Variants in SLC35F4 observed in about 807,000 individuals in gnomAD.
SLC35F4 encodes solute carrier family 35 member F4, also known as chromosome 14 open reading frame 36.
A neutral mutation model predicts 44.2 loss-of-function variants in SLC35F4; 24 were observed. That is an observed-to-expected ratio of 0.54 (90% CI 0.39 to 0.76). The LOEUF is 0.76. Ranked by LOEUF, SLC35F4 falls within the 30% of genes least tolerant of loss-of-function variation. The probability of loss-of-function intolerance (pLI) is 0.00; values close to 1 mark genes in which losing one functional copy is unlikely to be tolerated. For synonymous variants in SLC35F4, 238 were observed against 223.6 expected, an observed-to-expected ratio of 1.06 and a Z score of -0.57; for missense variants, 562 against 586.1, an observed-to-expected ratio of 0.96 and a Z score of 0.42.
At chr14:57,684,022 G>A (rs1355604062) in intron 1 of SLC35F4, among the ~76,000 whole-genome samples, 2 of 152,214 alleles carry the variant, frequency 1.3e-5, no homozygotes, top group East Asian at 3.9e-4. Context: ...GGGTTCATTT[G>A]CCTTCTAGGT....
intron 1 of SLC35F4, among the ~76,000 whole-genome samples, chr14:57,918,657 G>A (rs141078719): frequency 2.6e-5 from 4 of 152,178 alleles, no homozygotes; most frequent in Non-Finnish European, 2.9e-5. Flanking sequence ...TTTGCAGAAC[G>A]AGGAAGGGAT....
rs186693420 is a variant in SLC35F4 at position 57,670,969 on chromosome 14, G to C, written c.104-76845C>G. Among the ~76,000 whole-genome samples the C allele has an allele frequency of 1.8e-3, 253 of 141,968 alleles. 2 individuals carry two copies. The highest frequency in any genetic ancestry group is 6.5e-3 in the African/African-American group (241 of 36,922). 93.1% of individuals were successfully genotyped at this position (141,968 alleles called of 152,430 possible). A position where few individuals can be genotyped will look rare whatever the true frequency, so the allele number is the denominator to read the frequency against. ...ACCCAGGCTGGAGTGCAGTGGCATGGTCTCAGCTCACTGCAACCTCCGCCT... is the reference window on the plus strand; with the variant it reads ...ACCCAGGCTGGAGTGCAGTGGCATGCTCTCAGCTCACTGCAACCTCCGCCT... On this transcript the variant is annotated intron_variant, in intron 1 of 7. Coordinates refer to ENST00000556826, the MANE Select transcript of SLC35F4 (RefSeq NM_001306087.2).
At chr14:57,832,144 G>A (rs961175167) in intron 1 of SLC35F4, among the ~76,000 whole-genome samples, 1 of 152,154 alleles carries the variant, frequency 6.6e-6, no homozygotes, top group Non-Finnish European at 1.5e-5. Context: ...GTTGAAGGAC[G>A]CTAGGAGGCA....
chr14:57,624,739 C>G (rs1379928311), intron 1 of SLC35F4, among the ~76,000 whole-genome samples: 1 of 152,140 alleles, frequency 6.6e-6, no homozygotes, highest in East Asian at 1.9e-4. Context: ...AAAAGGCCTT[C>G]AACAAAATTC....
At chr14:57,969,157 T>C (rs886353760) in intron 1 of SLC35F4, among the ~76,000 whole-genome samples, 4 of 152,212 alleles carry the variant, frequency 2.6e-5, no homozygotes, top group African/African-American at 7.2e-5. Context: ...GATGGGAAAT[T>C]TGGACCCTGG....
intron 1 of SLC35F4, among the ~76,000 whole-genome samples, chr14:57,741,189 G>C (rs1018603207): frequency 6.6e-6 from 1 of 152,224 alleles, no homozygotes; most frequent in African/African-American, 2.4e-5. Flanking sequence ...TCCTCCAAAG[G>C]AATGCAGCTC....
chr14:57,594,207 G>A (rs2070361193), intron 1 of SLC35F4, 83 bp from the exon 2 acceptor site: 3 of 1,318,860 alleles, frequency 2.3e-6, no homozygotes, highest in African/African-American at 3.0e-5. Context: ...ATTATTGTTT[G>A]GAAACAGGGT....
At chr14:57,884,443 A>T (rs1888604646) in intron 1 of SLC35F4, among the ~76,000 whole-genome samples, 1 of 152,220 alleles carries the variant, frequency 6.6e-6, no homozygotes, top group African/African-American at 2.4e-5. Flanking sequence ...TTCAAAATGG[A>T]TTAGAGGACT....
chr14:57,588,222 C>T (rs932392397), intron 3 of SLC35F4, among the ~76,000 whole-genome samples: 2 of 152,184 alleles, frequency 1.3e-5, no homozygotes, highest in African/African-American at 4.8e-5. Context: ...TAAGAAGAGT[C>T]GTATAATGTA....
At chr14:57,746,411 G>T (rs73289943) in intron 1 of SLC35F4, among the ~76,000 whole-genome samples, 3 of 151,990 alleles carry the variant, frequency 2.0e-5, no homozygotes, top group Non-Finnish European at 4.4e-5. Context: ...TTTTTGTAAT[G>T]ATCATATTAT....
intron 1 of SLC35F4, among the ~76,000 whole-genome samples, chr14:57,703,884 A>G (rs989207975): frequency 2.0e-5 from 3 of 152,172 alleles, no homozygotes; most frequent in Non-Finnish European, 4.4e-5. Context: ...TTTTCCTAAA[A>G]AACAAAAACA....
intron 1 of SLC35F4, among the ~76,000 whole-genome samples, chr14:57,753,208 G>A (rs1478206351): frequency 1.3e-5 from 2 of 152,188 alleles, no homozygotes; most frequent in African/African-American, 2.4e-5. Flanking sequence ...AAGATGGCAT[G>A]TATAATCTTC....
At chr14:57,781,820 C>A (rs2077629049) in intron 1 of SLC35F4, among the ~76,000 whole-genome samples, 1 of 152,086 alleles carries the variant, frequency 6.6e-6, no homozygotes, top group African/African-American at 2.4e-5. Flanking sequence ...AACAGAAAAC[C>A]AAATAGCTCA....
At chr14:57,835,779 A>G (rs1884857531) in intron 1 of SLC35F4, among the ~76,000 whole-genome samples, 1 of 152,210 alleles carries the variant, frequency 6.6e-6, no homozygotes, top group African/African-American at 2.4e-5. Context: ...CTAGTCTGTC[A>G]AAGTTGCCAT....
intron 1 of SLC35F4, among the ~76,000 whole-genome samples, chr14:57,819,015 T>C (rs1185134429): frequency 1.3e-5 from 2 of 152,238 alleles, no homozygotes; most frequent in African/African-American, 4.8e-5. Context: ...ATTAATATCC[T>C]GCAGACATCC....
chr14:57,696,102 A>G (rs1161359545), intron 1 of SLC35F4, among the ~76,000 whole-genome samples: 1 of 152,184 alleles, frequency 6.6e-6, no homozygotes, highest in African/African-American at 2.4e-5. Flanking sequence ...ATTAAACTAA[A>G]GAGTTTCTGC....
chr14:57,823,557 C>T (rs1883407663), intron 1 of SLC35F4, among the ~76,000 whole-genome samples: 1 of 152,134 alleles, frequency 6.6e-6, no homozygotes, highest in Admixed American at 6.6e-5. Context: ...ATCCCTGGTG[C>T]CTGATATAGT....
chr14:57,729,667 G>C (rs1413968955), intron 1 of SLC35F4, among the ~76,000 whole-genome samples: 1 of 152,158 alleles, frequency 6.6e-6, no homozygotes, highest in African/African-American at 2.4e-5. Context: ...CACTGCCTGG[G>C]ACTGGGGGAG....
intron 1 of SLC35F4, among the ~76,000 whole-genome samples, chr14:57,960,625 A>G (rs1890320135): frequency 6.6e-6 from 1 of 152,194 alleles, no homozygotes; most frequent in Non-Finnish European, 1.5e-5. Flanking sequence ...GGAAGTTAGA[A>G]AAGGATCAAA....
Sources: gnomAD v4.1 joint callset for allele counts (sites outside exome capture counted in the v4.1 genomes callset) on GRCh38, gnomAD v4.1.1 for gene constraint, MANE v1.5 for transcripts, NCBI Gene and HGNC (gene_info 2026-07-23, HGNC 2026-07-21) for gene names.